Variants in PTBP3 observed in about 807,000 individuals in gnomAD.
PTBP3 encodes polypyrimidine tract binding protein 3, also known as polypyrimidine tract-binding protein 3.
PTBP3 carries 20 observed loss-of-function variants against 58.7 expected under a neutral mutation model. The ratio of observed to expected loss-of-function variants is 0.34; its 90% CI spans 0.24 to 0.50. The LOEUF is 0.50. Ranked by LOEUF, PTBP3 falls within the 20% of genes least tolerant of loss-of-function variation. PTBP3 has a pLI of 0.98. For synonymous variants in PTBP3, 185 were observed against 219.8 expected, an observed-to-expected ratio of 0.84 and a Z score of 1.40; for missense variants, 509 against 637.2, an observed-to-expected ratio of 0.80 and a Z score of 2.17.
the PTBP3 span, among the ~76,000 whole-genome samples, chr9:112,370,471 G>A: frequency 6.6e-6 from 1 of 152,136 alleles, no homozygotes; most frequent in Non-Finnish European, 1.5e-5. Flanking sequence ...AGCCCAGGAG[G>A]TGGAGGTTGC....
At chr9:112,282,120 T>A (rs1226137594) in intron 2 of PTBP3, among the ~76,000 whole-genome samples, 1 of 152,190 alleles carries the variant, frequency 6.6e-6, no homozygotes, top group East Asian at 1.9e-4. Context: ...TAAACATTAT[T>A]TCCCAAAGGT....
intron 1 of PTBP3, among the ~76,000 whole-genome samples, chr9:112,304,822 G>A (rs1407128929): frequency 6.6e-6 from 1 of 151,744 alleles, no homozygotes; most frequent in East Asian, 1.9e-4. Context: ...GTAGACTCTT[G>A]CTATTTTGCC....
chr9:112,278,555 G>T (rs1426909502), intron 2 of PTBP3, among the ~76,000 whole-genome samples: 1 of 152,208 alleles, frequency 6.6e-6, no homozygotes, highest in African/African-American at 2.4e-5. Flanking sequence ...TTGAGAAAAT[G>T]CGAATACCGA....
At chr9:112,242,179 G>A (rs749579829) in intron 7 of PTBP3, among the ~76,000 whole-genome samples, 1 of 152,074 alleles carries the variant, frequency 6.6e-6, no homozygotes, top group Non-Finnish European at 1.5e-5. Context: ...CCGAAATGGA[G>A]TACAGCAGCT....
intron 2 of PTBP3, among the ~76,000 whole-genome samples, chr9:112,280,119 A>G (rs548137779): frequency 1.3e-5 from 2 of 152,148 alleles, no homozygotes; most frequent in East Asian, 3.9e-4. Flanking sequence ...GAGTGCAGTG[A>G]TGCAATCGGC....
chr9:112,271,417 T>G lies in PTBP3; in HGVS notation c.205-3222A>C, dbSNP rs538803786. Among the ~76,000 whole-genome samples the G allele has an allele frequency of 1.8e-4, 27 of 152,292 alleles. No homozygotes were observed. The South Asian group carries it at 5.4e-3, about 30-fold the overall frequency. The stretch of plus-strand genomic sequence containing the variant: ...GCACCTCATTTTCAGATTAGGGATA[T>G]TCAACCTTTATCATAAAATAAAGAC... On this transcript the variant is annotated intron_variant, in intron 3 of 13. Transcript: ENST00000374257.
chr9:112,335,807 C>G (rs1830573070), upstream of PTBP3, among the ~76,000 whole-genome samples: 1 of 147,478 alleles, frequency 6.8e-6, no homozygotes, highest in South Asian at 2.1e-4. Context: ...CGCCTGTAAT[C>G]CCAGCTACTC....
the PTBP3 span, among the ~76,000 whole-genome samples, chr9:112,358,271 C>T: frequency 1.1e-3 from 163 of 152,268 alleles, 1 homozygote; most frequent in African/African-American, 3.9e-3. Flanking sequence ...TACCATGCCA[C>T]TGTCCTCTAA....
intron 7 of PTBP3, among the ~76,000 whole-genome samples, chr9:112,243,915 C>T (rs977310886): frequency 7.2e-5 from 11 of 152,054 alleles, no homozygotes; most frequent in Non-Finnish European, 1.5e-4. Flanking sequence ...CAAGATTACA[C>T]AGCTCATAAA....
intron 4 of PTBP3, among the ~76,000 whole-genome samples, chr9:112,262,940 T>C (rs1319752891): frequency 2.6e-5 from 4 of 152,188 alleles, no homozygotes; most frequent in African/African-American, 4.8e-5. Context: ...TGGCATGGGA[T>C]GTTTACACCC....
chr9:112,327,584 G>A (rs10117233), intron 1 of PTBP3, among the ~76,000 whole-genome samples: 127,808 of 152,108 alleles, frequency 0.84, 53,986 homozygotes, highest in African/African-American at 0.92. Flanking sequence ...TGAAGAAATA[G>A]AACAAATTTT....
intron 1 of PTBP3, among the ~76,000 whole-genome samples, chr9:112,315,608 TA>T (rs1464377817): frequency 6.6e-6 from 1 of 151,910 alleles, no homozygotes; most frequent in Non-Finnish European, 1.5e-5. Context: ...AAAATAAAAA[TA>T]AAAAACTATT....
chr9:112,300,461 C>T (rs1321338869), intron 1 of PTBP3, among the ~76,000 whole-genome samples: 1 of 152,170 alleles, frequency 6.6e-6, no homozygotes, highest in East Asian at 1.9e-4. Context: ...AAACCTAAAA[C>T]GTCAGTCACG....
intron 1 of PTBP3, among the ~76,000 whole-genome samples, chr9:112,324,685 T>A (rs1830090801): frequency 6.7e-6 from 1 of 149,050 alleles, no homozygotes; most frequent in Non-Finnish European, 1.5e-5. Flanking sequence ...TTTAAAAGAA[T>A]AGACAAAAGA....
At chr9:112,232,043 A>T in intron 9 of PTBP3, 56 bp downstream of exon 9, 1 of 1,421,652 alleles carries the variant, frequency 7.0e-7, no homozygotes, top group East Asian at 2.4e-5. Flanking sequence ...GAAAGAAAAA[A>T]GTGCTACTAT....
At chr9:112,324,144 G>GA (rs891546729) in intron 1 of PTBP3, among the ~76,000 whole-genome samples, 2 of 149,374 alleles carry the variant, frequency 1.3e-5, no homozygotes, top group East Asian at 2.0e-4. Flanking sequence ...AAAAGGAAAA[G>GA]AAAAAAAAAG....
At chr9:112,229,428 G>C (rs1455840203) in intron 10 of PTBP3, among the ~76,000 whole-genome samples, 1 of 152,022 alleles carries the variant, frequency 6.6e-6, no homozygotes, top group East Asian at 1.9e-4. Context: ...AGTCAGGCCT[G>C]GTGGCGCACA....
At chr9:112,306,575 A>T (rs1829222122) in intron 1 of PTBP3, among the ~76,000 whole-genome samples, 1 of 141,820 alleles carries the variant, frequency 7.1e-6, no homozygotes, top group Non-Finnish European at 1.5e-5. Context: ...CCAGAAAATT[A>T]ATTTAAATTT....
intron 1 of PTBP3, among the ~76,000 whole-genome samples, chr9:112,300,400 A>G (rs1241878634): frequency 1.3e-5 from 2 of 152,256 alleles, no homozygotes; most frequent in Non-Finnish European, 2.9e-5. Flanking sequence ...TGCAATGACT[A>G]TACAACAATG....
Sources: allele counts gnomAD v4.1 joint callset (sites outside exome capture counted in the v4.1 genomes callset), GRCh38; gene constraint gnomAD v4.1.1; transcripts MANE v1.5; gene names NCBI Gene and HGNC (gene_info 2026-07-23, HGNC 2026-07-21).